GRIN2A: variants seen among roughly 807,000 people sequenced by gnomAD.
GRIN2A encodes glutamate ionotropic receptor NMDA type subunit 2A, also known as glutamate receptor ionotropic, NMDA 2A.
A neutral mutation model predicts 113.4 loss-of-function variants in GRIN2A; 22 were observed. The observed-to-expected ratio is 0.19, with a 90% CI of 0.14 to 0.28. The LOEUF is 0.28. Among genes scored for constraint, GRIN2A ranks in the 10% least tolerant of loss-of-function variants. The pLI, the probability that GRIN2A is intolerant of heterozygous loss-of-function variation, is 1.00. For missense variants in GRIN2A, 1,502 were observed against 1,887.0 expected (o/e 0.80, Z 3.78); for synonymous variants, 827 against 738.4 (o/e 1.12, Z -1.94).
At chr16:9,974,191 C>T (rs556315843) in intron 2 of GRIN2A, among the ~76,000 whole-genome samples, 26 of 152,200 alleles carry the variant, frequency 1.7e-4, no homozygotes, top group African/African-American at 6.0e-4. Context: ...TTGTTTTATA[C>T]GGTTTTATAC....
At chr16:10,116,760 C>T (rs1410143080) in intron 2 of GRIN2A, among the ~76,000 whole-genome samples, 3 of 152,210 alleles carry the variant, frequency 2.0e-5, no homozygotes, top group Admixed American at 2.0e-4. Flanking sequence ...CACCTCATTA[C>T]TGTCTCCCTG....
chr16:10,161,312 C>G (rs2049804797), intron 2 of GRIN2A, among the ~76,000 whole-genome samples: 1 of 152,202 alleles, frequency 6.6e-6, no homozygotes, highest in African/African-American at 2.4e-5. Flanking sequence ...GGAGGCCTCC[C>G]AGCCACACTG....
At chr16:9,851,086 G>A (rs1264270843) in intron 4 of GRIN2A, among the ~76,000 whole-genome samples, 1 of 152,132 alleles carries the variant, frequency 6.6e-6, no homozygotes, top group Admixed American at 6.5e-5. Context: ...TAATGTTTAA[G>A]TGTCACCAGA....
intron 2 of GRIN2A, among the ~76,000 whole-genome samples, chr16:10,062,212 T>C (rs1310984156): frequency 6.6e-6 from 1 of 152,146 alleles, no homozygotes; most frequent in African/African-American, 2.4e-5. Flanking sequence ...GCTTTCTCTG[T>C]AAAAGGTCAA....
At chr16:9,913,207 C>T (rs984031927) in intron 3 of GRIN2A, among the ~76,000 whole-genome samples, 8 of 152,200 alleles carry the variant, frequency 5.3e-5, no homozygotes, top group South Asian at 2.1e-4. Context: ...CTACAATTTC[C>T]GGATGGCAGT....
intron 3 of GRIN2A, among the ~76,000 whole-genome samples, chr16:9,893,035 A>C (rs1230369519): frequency 6.6e-6 from 1 of 152,012 alleles, no homozygotes; most frequent in Middle Eastern, 3.2e-3. Flanking sequence ...TCCCTGGACC[A>C]GCATGGTGCA....
chr16:9,970,132 A>C (rs1004031313), intron 2 of GRIN2A, among the ~76,000 whole-genome samples: 14 of 152,374 alleles, frequency 9.2e-5, no homozygotes, highest in African/African-American at 3.4e-4. Flanking sequence ...AAAGCAGCTC[A>C]AATTCAATGT....
chr16:9,990,549 G>T (rs755371735), intron 2 of GRIN2A, among the ~76,000 whole-genome samples: 3 of 91,880 alleles, frequency 3.3e-5, no homozygotes, highest in East Asian at 7.0e-4. Context: ...CTCTACACGC[G>T]CGCGCGCGCG....
chr16:10,163,557 C>T (rs2049849285), intron 2 of GRIN2A, among the ~76,000 whole-genome samples: 1 of 152,148 alleles, frequency 6.6e-6, no homozygotes, highest in Non-Finnish European at 1.5e-5. Flanking sequence ...GGCTGAAATG[C>T]TTCCGTTTTG....
At chr16:10,175,602 G>A (rs112127154) in intron 2 of GRIN2A, among the ~76,000 whole-genome samples, 3 of 152,156 alleles carry the variant, frequency 2.0e-5, no homozygotes, top group Non-Finnish European at 4.4e-5. Flanking sequence ...AGAAGCATTT[G>A]TCATGTCAAA....
intron 4 of GRIN2A, among the ~76,000 whole-genome samples, chr16:9,865,137 C>G (rs2043141094): frequency 6.6e-6 from 1 of 152,144 alleles, no homozygotes; most frequent in South Asian, 2.1e-4. Context: ...CTAAAGCCAA[C>G]AGAAGATTTA....
chr16:10,171,008 C>CACT (rs2050031120), intron 2 of GRIN2A, among the ~76,000 whole-genome samples: 1 of 152,132 alleles, frequency 6.6e-6, no homozygotes, highest in Non-Finnish European at 1.5e-5. Flanking sequence ...GTGACTCCAT[C>CACT]ACTTCAATCT....
At chr16:10,128,616 G>A (rs767601705) in intron 2 of GRIN2A, among the ~76,000 whole-genome samples, 1 of 152,230 alleles carries the variant, frequency 6.6e-6, no homozygotes, top group South Asian at 2.1e-4. Flanking sequence ...CATGAATCAT[G>A]TGTGCCTGCT....
At chr16:9,945,154 C>T (rs185686728) in intron 2 of GRIN2A, among the ~76,000 whole-genome samples, 1 of 152,024 alleles carries the variant, frequency 6.6e-6, no homozygotes, top group Non-Finnish European at 1.5e-5. Flanking sequence ...TAAGACCCAT[C>T]TCAAATTTTA....
chr16:9,823,246 T>C (rs1476693330), intron 9 of GRIN2A, among the ~76,000 whole-genome samples: 1 of 152,172 alleles, frequency 6.6e-6, no homozygotes, highest in East Asian at 1.9e-4. Context: ...GTTCCAGAAA[T>C]ACAGCTAAAC....
intron 3 of GRIN2A, among the ~76,000 whole-genome samples, chr16:9,925,534 T>C (rs1233232533): frequency 1.3e-5 from 2 of 152,200 alleles, no homozygotes; most frequent in African/African-American, 4.8e-5. Flanking sequence ...AGATTCAACT[T>C]TGTCTCTGCC....
At chr16:9,889,860 T>G (rs2043658829) in intron 4 of GRIN2A, among the ~76,000 whole-genome samples, 1 of 152,224 alleles carries the variant, frequency 6.6e-6, no homozygotes, top group South Asian at 2.1e-4. Context: ...GACTTTTGTT[T>G]TATGCTCCAG....
chr16:10,020,755 C>A (rs1435540882), intron 2 of GRIN2A, among the ~76,000 whole-genome samples: 1 of 152,144 alleles, frequency 6.6e-6, no homozygotes, highest in Non-Finnish European at 1.5e-5. Context: ...TAGTGCTTGG[C>A]CCATGTTAAG....
chr16:10,092,025 T>C (rs753875744), intron 2 of GRIN2A, among the ~76,000 whole-genome samples: 1 of 152,232 alleles, frequency 6.6e-6, no homozygotes, highest in Admixed American at 6.5e-5. Context: ...GTAAATTATA[T>C]ATCAATAAAG....
Sources: allele counts gnomAD v4.1 joint callset (sites outside exome capture counted in the v4.1 genomes callset), GRCh38; gene constraint gnomAD v4.1.1; transcripts MANE v1.5; gene names NCBI Gene and HGNC (gene_info 2026-07-23, HGNC 2026-07-21).